COL15A1: variants seen among roughly 807,000 people sequenced by gnomAD.
COL15A1 encodes the protein collagen type XV alpha 1 chain, also known as collagen alpha-1(XV) chain.
COL15A1 carries 111 observed loss-of-function variants against 165.9 expected under a neutral mutation model. The ratio of observed to expected loss-of-function variants is 0.67; its 90% CI spans 0.57 to 0.78. The LOEUF is 0.78. Ranked by LOEUF, COL15A1 falls within the 30% of genes least tolerant of loss-of-function variation. The pLI is 0.00. For missense variants in COL15A1, 1,745 were observed against 1,789.7 expected, an observed-to-expected ratio of 0.98 and a Z score of 0.45; for synonymous variants, 659 against 674.8, an observed-to-expected ratio of 0.98 and a Z score of 0.36.
At chr9:99,019,583 A>C (rs1838993637) in intron 11 of COL15A1, among the ~76,000 whole-genome samples, 1 of 151,138 alleles carries the variant, frequency 6.6e-6, no homozygotes, top group Non-Finnish European at 1.5e-5. Flanking sequence ...CAGGCATGCT[A>C]TACTGCCATG....
At chr9:98,952,183 G>T (rs890738788) in intron 2 of COL15A1, among the ~76,000 whole-genome samples, 1 of 152,178 alleles carries the variant, frequency 6.6e-6, no homozygotes, top group Non-Finnish European at 1.5e-5. Context: ...AGTCTAGCCT[G>T]TGGTCTAATG....
chr9:98,948,448 A>T (rs1440030683), intron 2 of COL15A1, among the ~76,000 whole-genome samples: 1 of 152,092 alleles, frequency 6.6e-6, no homozygotes, highest in Non-Finnish European at 1.5e-5. Context: ...AATACAAAAA[A>T]TTAGCCAGGC....
chr9:99,026,584 C>T (rs114711752), intron 16 of COL15A1, among the ~76,000 whole-genome samples: 50 of 152,342 alleles, frequency 3.3e-4, no homozygotes, highest in Middle Eastern at 3.4e-3. Flanking sequence ...ACTCCTCACA[C>T]GGCCTCTTGG....
intron 23 of COL15A1, among the ~76,000 whole-genome samples, chr9:99,041,778 C>G (rs939895482): frequency 6.6e-6 from 1 of 152,104 alleles, no homozygotes; most frequent in Admixed American, 6.5e-5. Context: ...AGATAATAGG[C>G]TGGATCAGTA....
intron 24 of COL15A1, among the ~76,000 whole-genome samples, chr9:99,043,608 A>G (rs951572547): frequency 1.3e-5 from 2 of 152,008 alleles, no homozygotes; most frequent in South Asian, 4.2e-4. Context: ...ACCTTTCCTC[A>G]TCAGTGGAGT....
At chr9:98,967,843 A>G (rs1259929751) in intron 2 of COL15A1, among the ~76,000 whole-genome samples, 2 of 152,212 alleles carry the variant, frequency 1.3e-5, no homozygotes, top group Non-Finnish European at 2.9e-5. Flanking sequence ...TCAACAGCAC[A>G]GCAGTTCTCA....
At position 98,987,289 on chromosome 9, in the gene COL15A1, C is replaced by T. The variant is rs796739662; in HGVS notation, c.649-5C>T. 6.2e-7 allele frequency: 1 copy of T among 1,612,914 alleles called. No homozygotes were observed. The highest frequency in any genetic ancestry group is 8.5e-7 in the Non-Finnish European group (1 of 1,179,496). ...CGTGGCTTCTGATCCGTCTCTTTTCCCCAGGGCTCCCTCCAGCAGCTCACC... is the reference window on the plus strand; with the variant it reads ...CGTGGCTTCTGATCCGTCTCTTTTCTCCAGGGCTCCCTCCAGCAGCTCACC... On this transcript the variant is annotated splice_polypyrimidine_tract_variant and splice_region_variant and intron_variant, in intron 3 of 41. Transcript: ENST00000375001.
At position 98,964,641 on chromosome 9, in the gene COL15A1, AC is replaced by A. The variant is rs1420070817; in HGVS notation, c.100+20392del. ...CACAGATTCAAATGCATTCCTTTCT[AC>A]ATTGGGTACCTAGTGTGTACCAAGC... is the stretch of plus-strand genomic sequence containing the variant. On this transcript the variant is annotated intron_variant, in intron 2 of 41. Transcript: ENST00000375001. 4.6e-5 allele frequency among the ~76,000 whole-genome samples: 7 copies of A among 152,178 alleles called. No homozygotes were observed. In the East Asian group the frequency reaches 1.3e-3, roughly 29 times the overall value.
intron 16 of COL15A1, 141 bp from the exon 17 acceptor site, chr9:99,034,408 T>A: frequency 7.3e-7 from 1 of 1,376,722 alleles, no homozygotes; most frequent in Non-Finnish European, 9.7e-7. Flanking sequence ...ATGTGTTTGG[T>A]TTGGAGACAC....
intron 7 of COL15A1, among the ~76,000 whole-genome samples, chr9:99,002,666 T>C (rs17784384): frequency 0.012 from 1,756 of 152,312 alleles, 12 homozygotes; most frequent in African/African-American, 0.021. Context: ...ACCTCAACTT[T>C]CCTCTAACTG....
chr9:98,949,857 C>T (rs1237122309), intron 2 of COL15A1, among the ~76,000 whole-genome samples: 2 of 152,194 alleles, frequency 1.3e-5, no homozygotes, highest in Non-Finnish European at 2.9e-5. Flanking sequence ...CTCATTTTCT[C>T]AGCTTCAGGC....
intron 24 of COL15A1, among the ~76,000 whole-genome samples, chr9:99,042,700 C>T (rs1280003319): frequency 6.6e-6 from 1 of 152,192 alleles, no homozygotes; most frequent in East Asian, 1.9e-4. Flanking sequence ...GAGCATTCTG[C>T]AGTTGAACAA....
At chr9:98,978,528 A>G (rs2118862454) in intron 2 of COL15A1, among the ~76,000 whole-genome samples, 1 of 152,338 alleles carries the variant, frequency 6.6e-6, no homozygotes, top group Non-Finnish European at 1.5e-5. Context: ...AAGAAAGCAG[A>G]GCTCTCAGTA....
chr9:99,062,988 C>T (rs915938215), intron 38 of COL15A1, 62 bp from the exon 39 acceptor site: 2 of 1,541,502 alleles, frequency 1.3e-6, no homozygotes, highest in South Asian at 2.6e-5. Flanking sequence ...CACCTCAATA[C>T]ACTCTGAAGA....
chr9:98,966,528 T>G (rs1469386321), intron 2 of COL15A1, among the ~76,000 whole-genome samples: 1 of 152,192 alleles, frequency 6.6e-6, no homozygotes, highest in East Asian at 1.9e-4. Context: ...TCAAGGACCC[T>G]AACAGTATAT....
At chr9:99,029,068 A>C (rs1179042553) in intron 16 of COL15A1, among the ~76,000 whole-genome samples, 3 of 152,242 alleles carry the variant, frequency 2.0e-5, no homozygotes, top group Admixed American at 1.3e-4. Flanking sequence ...TTGCTGAAGA[A>C]GATGGATCTC....
chr9:98,991,036 A>C (rs924104182), intron 5 of COL15A1, among the ~76,000 whole-genome samples: 2 of 151,828 alleles, frequency 1.3e-5, no homozygotes, highest in Non-Finnish European at 2.9e-5. Flanking sequence ...GTGCCTCTGG[A>C]GTTGTTTGTT....
rs1001168430 is a variant in COL15A1, at chr9:99,070,082, A to G, written c.*196A>G. On this transcript the variant is annotated 3_prime_UTR_variant, in exon 42 of 42. Coordinates refer to ENST00000375001, the MANE Select transcript of COL15A1 (RefSeq NM_001855.5). ...ATAGAGGACTCAGATCAAAGACAAA[A>G]TCTGATCCATATATTGGTGCTAGAT... 1.6e-5 allele frequency: 9 copies of G among 546,750 alleles called. No homozygotes were observed. The highest frequency in any genetic ancestry group is 1.5e-4 in the African/African-American group (8 of 52,100). 33.9% of individuals were successfully genotyped at this position (546,750 alleles called of 1,614,324 possible). A position where few individuals can be genotyped will look rare whatever the true frequency, so the allele number is the denominator to read the frequency against.
intron 11 of COL15A1, among the ~76,000 whole-genome samples, chr9:99,017,659 C>T (rs1458045755): frequency 6.6e-6 from 1 of 152,112 alleles, no homozygotes; most frequent in Non-Finnish European, 1.5e-5. Context: ...AGTGGGCAGC[C>T]AGCTCTGGAT....
Sources: allele counts gnomAD v4.1 joint callset (sites outside exome capture counted in the v4.1 genomes callset), GRCh38; gene constraint gnomAD v4.1.1; transcripts MANE v1.5; gene names NCBI Gene and HGNC (gene_info 2026-07-23, HGNC 2026-07-21).